AOPEP: variants seen among roughly 807,000 people sequenced by gnomAD.
AOPEP encodes the protein aminopeptidase O (putative), also known as aminopeptidase O.
In AOPEP, 77 loss-of-function variants were observed where a neutral mutation model predicts 98.1. That is an observed-to-expected ratio of 0.78 (90% confidence interval 0.65 to 0.95). AOPEP has a LOEUF of 0.95. Among genes scored for constraint, AOPEP ranks in the 40% least tolerant of loss-of-function variants. The pLI is 0.00. For missense variants in AOPEP, 1,024 were observed against 1,024.7 expected, an observed-to-expected ratio of 1.00 and a Z score of 0.01; for synonymous variants, 346 against 365.3, an observed-to-expected ratio of 0.95 and a Z score of 0.60.
intron 11 of AOPEP, among the ~76,000 whole-genome samples, chr9:94,983,059 G>A (rs539870335): frequency 3.4e-5 from 5 of 149,234 alleles, no homozygotes; most frequent in Admixed American, 6.6e-5. Flanking sequence ...ACAGAGTCTC[G>A]CTTTGTCACC....
At chr9:95,085,145 C>A in intron 16 of AOPEP, 1 of 432,646 alleles carries the variant, frequency 2.3e-6, no homozygotes, top group Non-Finnish European at 4.9e-6. Flanking sequence ...GTGAAGGCGG[C>A]AGTGTCGCCG....
intron 13 of AOPEP, among the ~76,000 whole-genome samples, chr9:95,017,074 A>T (rs915059447): frequency 1.3e-5 from 2 of 151,890 alleles, no homozygotes; most frequent in African/African-American, 4.8e-5. Context: ...GAGGAGAAAA[A>T]GCTATGAAGG....
rs61741715 is a variant in AOPEP, at chr9:95,086,750, G to C, written c.*73G>C. 7 of 988,050 alleles carry C rather than the reference G, an allele frequency of 7.1e-6. No homozygotes were observed. The highest frequency in any genetic ancestry group is 8.4e-6 in the Non-Finnish European group (7 of 830,218). 61.2% of individuals were successfully genotyped at this position (988,050 alleles called of 1,614,324 possible). A position where few individuals can be genotyped will look rare whatever the true frequency, so the allele number is the denominator to read the frequency against. On this transcript the variant is annotated 3_prime_UTR_variant, in exon 17 of 17. Coordinates refer to ENST00000375315, the MANE Select transcript of AOPEP (RefSeq NM_001193329.3). ...GGGGGACCAGGCTCGAACTGACCCTGGACATCAAAGGAGGGATTATGTGGC... is the reference window on the plus strand; with the variant it reads ...GGGGGACCAGGCTCGAACTGACCCTCGACATCAAAGGAGGGATTATGTGGC...
At chr9:94,948,303 C>A (rs529275379) in intron 7 of AOPEP, among the ~76,000 whole-genome samples, 66 of 151,892 alleles carry the variant, frequency 4.3e-4, no homozygotes, top group Non-Finnish European at 7.5e-4. Context: ...TGTATAAAGC[C>A]GTGAAACAAC....
At chr9:95,101,640 T>C in the AOPEP span, 23 of 1,591,794 alleles carry the variant, frequency 1.4e-5, no homozygotes, top group Middle Eastern at 2.1e-4. Flanking sequence ...CCACAGGTCA[T>C]CACCTGTCCT....
rs10121408 is a variant in AOPEP at position 95,070,667 on chromosome 9, C to T, written c.2232+9857C>T. On this transcript the variant is annotated intron_variant, in intron 14 of 16. Coordinates refer to ENST00000375315, the MANE Select transcript of AOPEP (RefSeq NM_001193329.3). ...ATGGCCCAGAGGCCCATGCATGCCC[C>T]AGACTTGCATGATGCTGTAAATAAA... is the stretch of plus-strand genomic sequence containing the variant. Among the ~76,000 whole-genome samples, 403 of 152,386 alleles carry T rather than the reference C, an allele frequency of 2.6e-3. 3 individuals are homozygous for T. The highest frequency in any genetic ancestry group is 9.1e-3 in the African/African-American group (378 of 41,602).
chr9:94,795,242 T>C (rs2133562182), intron 4 of AOPEP, among the ~76,000 whole-genome samples: 1 of 152,244 alleles, frequency 6.6e-6, no homozygotes, highest in Non-Finnish European at 1.5e-5. Flanking sequence ...TTTAAAAAAC[T>C]GTATGTAACA....
chr9:94,928,398 T>C (rs1329735285), intron 6 of AOPEP, 27 bp from the exon 7 acceptor site: 1 of 1,483,496 alleles, frequency 6.7e-7, no homozygotes, highest in Non-Finnish European at 9.1e-7. Context: ...TTTGTGCATG[T>C]GTGTCTGTGT....
At chr9:95,061,909 T>C (rs2067347977) in intron 14 of AOPEP, among the ~76,000 whole-genome samples, 1 of 152,250 alleles carries the variant, frequency 6.6e-6, no homozygotes, top group African/African-American at 2.4e-5. Context: ...AGTTCTCAAA[T>C]GCCAGACTGT....
At chr9:94,793,465 G>C (rs145454550) in intron 4 of AOPEP, among the ~76,000 whole-genome samples, 1 of 151,996 alleles carries the variant, frequency 6.6e-6, no homozygotes, top group Non-Finnish European at 1.5e-5. Flanking sequence ...CGATCACGAG[G>C]TCAGGAGTTG....
At chr9:94,960,360 G>A (rs917018833) in intron 9 of AOPEP, among the ~76,000 whole-genome samples, 17 of 150,442 alleles carry the variant, frequency 1.1e-4, no homozygotes, top group Admixed American at 6.6e-4. Flanking sequence ...GCAGTGAGGC[G>A]AGATCACGCC....
In AOPEP at chr9:94,851,927, A is replaced by G. The variant is rs1396854919; in HGVS notation, c.1364+50925A>G. Among the ~76,000 whole-genome samples, 3 of 151,814 alleles carry G rather than the reference A, an allele frequency of 2.0e-5. No homozygotes were observed. The East Asian group carries it at 5.8e-4, about 29-fold the overall frequency. ...GCCTCCGTGATTCCAGTGTGCAGTC[A>G]AGTTGGGAAGAGAGTTGCAGGAAGA... On this transcript the variant is annotated intron_variant, in intron 5 of 16. Transcript: ENST00000375315.
At chr9:95,022,478 C>T (rs1244290087) in intron 13 of AOPEP, among the ~76,000 whole-genome samples, 5 of 152,148 alleles carry the variant, frequency 3.3e-5, no homozygotes, top group African/African-American at 7.2e-5. Context: ...GCTGGGACTA[C>T]GGGTGCCCGC....
At chr9:95,067,131 C>T (rs767981160) in intron 14 of AOPEP, among the ~76,000 whole-genome samples, 9 of 152,090 alleles carry the variant, frequency 5.9e-5, no homozygotes, top group Non-Finnish European at 8.8e-5. Flanking sequence ...ACCATCTTTG[C>T]TCTCTAGAAC....
At chr9:94,744,391 T>TCAA (rs951112813) in intron 1 of AOPEP, among the ~76,000 whole-genome samples, 7 of 150,910 alleles carry the variant, frequency 4.6e-5, no homozygotes, top group East Asian at 3.9e-4. Context: ...AGACTCTGTC[T>TCAA]CAACAACAAC....
At chr9:94,946,013 C>A (rs1322619734) in intron 7 of AOPEP, among the ~76,000 whole-genome samples, 1 of 152,146 alleles carries the variant, frequency 6.6e-6, no homozygotes, top group Non-Finnish European at 1.5e-5. Flanking sequence ...AGACCTGTCT[C>A]AGCACATTGC....
intron 4 of AOPEP, among the ~76,000 whole-genome samples, chr9:94,799,403 T>TAA (rs765788408): frequency 3.8e-5 from 5 of 132,896 alleles, no homozygotes; most frequent in Admixed American, 7.6e-5. Flanking sequence ...CCCCATCTCT[T>TAA]AAAAAAAAAA....
At chr9:94,890,298 G>T (rs1195990641) in intron 5 of AOPEP, among the ~76,000 whole-genome samples, 1 of 152,058 alleles carries the variant, frequency 6.6e-6, no homozygotes, top group African/African-American at 2.4e-5. Flanking sequence ...CGCCTCCTGG[G>T]TTCAAGCAAT....
At chr9:94,808,666 A>C (rs2133919306) in intron 5 of AOPEP, among the ~76,000 whole-genome samples, 1 of 152,376 alleles carries the variant, frequency 6.6e-6, no homozygotes, top group South Asian at 2.1e-4. Context: ...GCTTGCTAAG[A>C]ATAATCACCT....
Sources: allele counts gnomAD v4.1 joint callset (sites outside exome capture counted in the v4.1 genomes callset), GRCh38; gene constraint gnomAD v4.1.1; transcripts MANE v1.5; gene names NCBI Gene and HGNC (gene_info 2026-07-23, HGNC 2026-07-21).